The following PHIP variants were observed in gnomAD, a reference collection of about 807,000 sequenced individuals.
The protein encoded by PHIP is PH-interacting protein.
A neutral mutation model predicts 236.8 loss-of-function variants in PHIP; 54 were observed. The observed-to-expected ratio is 0.23, with a 90% CI of 0.18 to 0.29. PHIP has a LOEUF of 0.29. PHIP is among the 10% of genes least tolerant of loss of function. PHIP has a pLI of 1.00. For missense variants in PHIP, 1,370 were observed against 2,190.8 expected, an observed-to-expected ratio of 0.63 and a Z score of 7.48; for synonymous variants, 756 against 718.9, an observed-to-expected ratio of 1.05 and a Z score of -0.83.
At chr6:79,036,913 C>A (rs1771963813) in intron 7 of PHIP, among the ~76,000 whole-genome samples, 1 of 116,688 alleles carries the variant, frequency 8.6e-6, no homozygotes, top group Non-Finnish European at 1.7e-5. Flanking sequence ...CAGAGCAAGA[C>A]TCCGTCTCAA....
intron 21 of PHIP, among the ~76,000 whole-genome samples, chr6:78,987,421 G>A (rs1424795248): frequency 2.6e-5 from 4 of 152,180 alleles, no homozygotes; most frequent in African/African-American, 9.6e-5. Context: ...AGCTATTGGA[G>A]ACTAACTTAA....
At chr6:79,069,276 T>A (rs1179283640) in intron 4 of PHIP, among the ~76,000 whole-genome samples, 1 of 150,970 alleles carries the variant, frequency 6.6e-6, no homozygotes, top group Non-Finnish European at 1.5e-5. Context: ...TCCCAGCCCC[T>A]AAAATTCTAA....
At chr6:79,062,143 G>T (rs1016064734) in intron 4 of PHIP, among the ~76,000 whole-genome samples, 1 of 152,106 alleles carries the variant, frequency 6.6e-6, no homozygotes, top group African/African-American at 2.4e-5. Flanking sequence ...AATACAGTTT[G>T]TATCATATGA....
intron 8 of PHIP, 21 bp downstream of exon 8, chr6:79,025,922 T>C: frequency 6.9e-7 from 1 of 1,457,318 alleles, no homozygotes; most frequent in Non-Finnish European, 9.6e-7. Context: ...AACAACAATG[T>C]ATAGGGATTA....
chr6:79,015,782 G>T lies in PHIP; in HGVS notation c.1237C>A (p.Gln413Lys). The T allele has an allele frequency of 2.5e-6, 4 of 1,605,896 alleles. No homozygotes were observed. The highest frequency in any genetic ancestry group is 2.6e-6 in the Non-Finnish European group (3 of 1,176,462). The change falls in exon 14 of 40, where the codon CAA (glutamine) becomes AAA (lysine). Residue 413 changes from glutamine (Q) to lysine (K), a missense_variant and splice_region_variant. Coordinates refer to ENST00000275034, the MANE Select transcript of PHIP (RefSeq NM_017934.7). ...LLDMATRPAG[Q>K]NLQGIEDKIT... ...TTATCTTCTATTCCTTGAAGGTTTT[G>T]GCTGAAAGTGAGGAAGTGTTTTACA...
intron 15 of PHIP, among the ~76,000 whole-genome samples, chr6:79,010,731 A>G (rs1241328509): frequency 1.3e-5 from 2 of 151,940 alleles, no homozygotes; most frequent in Middle Eastern, 3.4e-3. Flanking sequence ...AAAGCTACTA[A>G]AAACATGGGG....
intron 19 of PHIP, 107 bp from the exon 20 acceptor site, chr6:78,991,092 T>C: frequency 1.5e-6 from 1 of 674,722 alleles, no homozygotes; most frequent in Non-Finnish European, 2.6e-6. Flanking sequence ...TGTTTTATTT[T>C]AAGATGGAAG....
chr6:78,977,556 T>C (rs1768192030), intron 24 of PHIP, among the ~76,000 whole-genome samples: 2 of 150,236 alleles, frequency 1.3e-5, no homozygotes, highest in South Asian at 4.4e-4. Context: ...TGTCTGGAAC[T>C]TTAAATGATG....
chr6:79,077,801 C>T, intron 2 of PHIP, 54 bp downstream of exon 2: 1 of 1,073,648 alleles, frequency 9.3e-7, no homozygotes, highest in Non-Finnish European at 1.1e-6. Flanking sequence ...GCCTCCCTCC[C>T]CCACGCCCGC....
chr6:79,033,136 G>C (rs929882947), intron 7 of PHIP, among the ~76,000 whole-genome samples: 1 of 151,900 alleles, frequency 6.6e-6, no homozygotes, highest in Admixed American at 6.6e-5. Context: ...AAAAAGATAT[G>C]CTGTCATCCA....
chr6:79,019,302 T>C (rs1191028233), intron 9 of PHIP, 143 bp from the exon 10 acceptor site: 18 of 610,388 alleles, frequency 2.9e-5, no homozygotes, highest in Non-Finnish European at 4.9e-5. Flanking sequence ...TAGAAATCAT[T>C]ATGTGTCATA....
In PHIP at chr6:79,041,250, G is replaced by A. The variant is rs556038995; in HGVS notation, c.600+1593C>T. ...AGTGACAAACTGGGTTTGAGACGCA[G>A]GCAGCAGCATGCTGAACCCTGGTTC... On this transcript the variant is annotated intron_variant, in intron 7 of 39. Coordinates refer to ENST00000275034, the MANE Select transcript of PHIP (RefSeq NM_017934.7). Among the ~76,000 whole-genome samples the A allele has an allele frequency of 1.2e-4, 19 of 152,182 alleles. No individual in the cohort carries two copies. The East Asian group carries it at 3.1e-3, about 25-fold the overall frequency.
intron 13 of PHIP, 123 bp downstream of exon 13, chr6:79,016,421 T>C: frequency 4.2e-6 from 2 of 477,088 alleles, no homozygotes; most frequent in Non-Finnish European, 7.5e-6. Context: ...TACCTCTAGT[T>C]ATCGCAGAAA....
intron 39 of PHIP, among the ~76,000 whole-genome samples, chr6:78,943,619 T>C (rs1028747374): frequency 2.0e-5 from 3 of 152,168 alleles, no homozygotes; most frequent in Non-Finnish European, 2.9e-5. Flanking sequence ...GATACAGACA[T>C]GTGAAAATGA....
intron 15 of PHIP, among the ~76,000 whole-genome samples, chr6:79,007,709 C>T (rs1770363259): frequency 7.0e-6 from 1 of 142,764 alleles, no homozygotes; most frequent in African/African-American, 2.6e-5. Context: ...AAGCATCTTA[C>T]CTAGGAAATA....
chr6:79,018,158 A>G (rs1310941666), intron 10 of PHIP, among the ~76,000 whole-genome samples: 1 of 151,970 alleles, frequency 6.6e-6, no homozygotes, highest in African/African-American at 2.4e-5. Context: ...AAAATATTTA[A>G]GTACTTTTGC....
At chr6:78,952,469 G>T (rs1475240989) in intron 35 of PHIP, among the ~76,000 whole-genome samples, 4 of 147,572 alleles carry the variant, frequency 2.7e-5, no homozygotes, top group African/African-American at 5.0e-5. Flanking sequence ...AAAAATTCTT[G>T]GCCATTAGCT....
chr6:79,017,306 A>C lies in PHIP; in HGVS notation c.1136+40T>G, dbSNP rs373994858. ...TGATGACTAAAATTGTCTTTATTTCATAATTTTAAAATTAGAATTAAATTA... is the reference window on the plus strand; with the variant it reads ...TGATGACTAAAATTGTCTTTATTTCCTAATTTTAAAATTAGAATTAAATTA... On this transcript the variant is annotated intron_variant, in intron 12 of 39. Coordinates refer to ENST00000275034, the MANE Select transcript of PHIP (RefSeq NM_017934.7). The C allele has an allele frequency of 4.0e-4, 482 of 1,210,682 alleles. 3 individuals carry two copies. In the African/African-American group the frequency reaches 6.4e-3, roughly 16 times the overall value. The allele number at this position is 1,210,682 out of a possible 1,614,324, so 75.0% of individuals were successfully genotyped here.
chr6:79,032,157 T>C (rs1771705871), intron 7 of PHIP, among the ~76,000 whole-genome samples: 1 of 152,220 alleles, frequency 6.6e-6, no homozygotes, highest in Non-Finnish European at 1.5e-5. Context: ...AAATGCTAAT[T>C]ATCTGAAACT....
Sources: allele counts gnomAD v4.1 joint callset (sites outside exome capture counted in the v4.1 genomes callset), GRCh38; gene constraint gnomAD v4.1.1; transcripts MANE v1.5; gene names NCBI Gene and HGNC (gene_info 2026-07-23, HGNC 2026-07-21).